AMOTL1: variants seen among roughly 807,000 people sequenced by gnomAD.
The protein encoded by AMOTL1 is angiomotin-like protein 1.
A neutral mutation model predicts 102.9 loss-of-function variants in AMOTL1; 45 were observed. The observed-to-expected ratio is 0.44, with a 90% confidence interval of 0.34 to 0.56. The LOEUF (loss-of-function observed/expected upper bound fraction) is 0.56, where lower values mean the gene tolerates loss of function less well. Ranked by LOEUF, AMOTL1 falls within the 20% of genes least tolerant of loss-of-function variation. The pLI is 0.01. For missense variants in AMOTL1, 1,114 were observed against 1,225.6 expected, an observed-to-expected ratio of 0.91 and a Z score of 1.36; for synonymous variants, 481 against 484.7, an observed-to-expected ratio of 0.99 and a Z score of 0.10.
intron 9 of AMOTL1, among the ~76,000 whole-genome samples, chr11:94,860,777 A>G (rs1438033204): frequency 1.3e-5 from 2 of 152,242 alleles, no homozygotes; most frequent in South Asian, 2.1e-4. Context: ...GGGCTATGGT[A>G]CTATTTGGAT....
Position 94,800,299 on chromosome 11 carries a change from A to G in AMOTL1, c.1109A>G (p.Tyr370Cys). ...CTGCGGTACCAGCCACCCCCTGAGT[A>G]TGGGGTAACGAGGTGATTATCAACT... is the stretch of plus-strand genomic sequence containing the variant. ...AVLRYQPPPE[Y>C]GVTSRPCQLP... Residue 370 changes from tyrosine (Y) to cysteine (C), a missense_variant, in exon 3 of 13, where the codon TAT (tyrosine) becomes TGT (cysteine). Transcript: ENST00000433060. 1 of 1,605,492 alleles carries G rather than the reference A, an allele frequency of 6.2e-7. No homozygotes were observed. The highest frequency in any genetic ancestry group is 1.3e-5 in the African/African-American group (1 of 74,800).
intron 3 of AMOTL1, among the ~76,000 whole-genome samples, chr11:94,751,391 C>T (rs1453621106): frequency 1.3e-5 from 2 of 151,970 alleles, no homozygotes; most frequent in African/African-American, 4.8e-5. Flanking sequence ...GTCCCTGGGA[C>T]ACGAAATCTC....
chr11:94,845,484 T>A (rs182738359), intron 6 of AMOTL1, among the ~76,000 whole-genome samples: 1 of 152,340 alleles, frequency 6.6e-6, no homozygotes, highest in Admixed American at 6.5e-5. Context: ...AGCTGGGACA[T>A]GGTAAGTCCC....
intron 1 of AMOTL1, among the ~76,000 whole-genome samples, chr11:94,782,878 TA>T (rs1429188952): frequency 6.6e-6 from 1 of 152,214 alleles, no homozygotes; most frequent in Non-Finnish European, 1.5e-5. Flanking sequence ...TGCAAAATTA[TA>T]AAAAAATTCT....
At chr11:94,748,829 G>A (rs565888718) in intron 3 of AMOTL1, among the ~76,000 whole-genome samples, 2 of 152,156 alleles carry the variant, frequency 1.3e-5, no homozygotes, top group African/African-American at 4.8e-5. Context: ...ATACAGGAGG[G>A]TGGTAAGAAA....
Position 94,717,682 on chromosome 11 carries a change from G to GA in AMOTL1, c.-51+11091dup, listed in dbSNP as rs1305981642. Among the ~76,000 whole-genome samples, 212 of 151,612 alleles carry GA rather than the reference G, an allele frequency of 1.4e-3. 2 individuals are homozygous for GA. Among genetic ancestry groups the GA allele is most frequent in the African/African-American group, 4.9e-3 (203 of 41,424 alleles). On this transcript the variant is annotated intron_variant, in intron 1 of 4. Coordinates refer to the AMOTL1 transcript ENST00000299004. ...GCTCCAAACTCAGATGCTATACAAA[G>GA]AAAAAACTGATACATTTAATTATCT...
intron 2 of AMOTL1, among the ~76,000 whole-genome samples, chr11:94,735,310 CAAA>C (rs1388367512): frequency 6.6e-6 from 1 of 152,170 alleles, no homozygotes. Context: ...ATTGTACCCC[CAAA>C]AAAGTATGTA....
At chr11:94,823,551 TTC>T (rs1387555824) in intron 4 of AMOTL1, among the ~76,000 whole-genome samples, 1 of 152,120 alleles carries the variant, frequency 6.6e-6, no homozygotes, top group Non-Finnish European at 1.5e-5. Context: ...GACCTCTTTC[TTC>T]TCTCCTAATG....
In AMOTL1 at chr11:94,853,967, A is replaced by G. The variant is rs866833462; in HGVS notation, c.1829A>G (p.Glu610Gly). 15 of 1,607,950 alleles carry G rather than the reference A, an allele frequency of 9.3e-6. No homozygotes were observed. In the African/African-American group the frequency reaches 1.9e-4, roughly 20 times the overall value. ...AAGCAAGCATATGTTGAGAAAGTTGAGAAGCTGCAGCAGGCCCTGACCCAG... is the reference window on the plus strand; with the variant it reads ...AAGCAAGCATATGTTGAGAAAGTTGGGAAGCTGCAGCAGGCCCTGACCCAG... ...REKQAYVEKV[E>G]KLQQALTQLQ... Residue 610 changes from glutamate to glycine, a missense_variant, in exon 8 of 13, where the codon GAG (glutamate) becomes GGG (glycine). Transcript: ENST00000433060.
intron 1 of AMOTL1, among the ~76,000 whole-genome samples, chr11:94,721,401 G>A (rs1021698137): frequency 1.3e-5 from 2 of 151,284 alleles, no homozygotes; most frequent in Non-Finnish European, 2.9e-5. Context: ...TTTAAATGTG[G>A]TGTTATGGAT....
At chr11:94,726,081 A>G (rs1440712929) in intron 1 of AMOTL1, among the ~76,000 whole-genome samples, 2 of 152,168 alleles carry the variant, frequency 1.3e-5, no homozygotes, top group African/African-American at 4.8e-5. Flanking sequence ...AGAATGAACA[A>G]AGCATAGTGA....
intron 1 of AMOTL1, among the ~76,000 whole-genome samples, chr11:94,718,744 GTTGA>G (rs137919874): frequency 0.25 from 37,278 of 151,502 alleles, 5,276 homozygotes; most frequent in Middle Eastern, 0.33. Flanking sequence ...CTGGCTTTCT[GTTGA>G]TTGTCAGTTT....
chr11:94,745,462 A>G (rs1416001689), intron 3 of AMOTL1, among the ~76,000 whole-genome samples: 1 of 152,180 alleles, frequency 6.6e-6, no homozygotes, highest in African/African-American at 2.4e-5. Context: ...AGATGCTCCT[A>G]TCACCTCTAT....
At chr11:94,838,088 C>T (rs1410999992) in intron 6 of AMOTL1, among the ~76,000 whole-genome samples, 1 of 152,194 alleles carries the variant, frequency 6.6e-6, no homozygotes, top group African/African-American at 2.4e-5. Flanking sequence ...CTTTTATATA[C>T]TCCCCCAGCA....
intron 1 of AMOTL1, among the ~76,000 whole-genome samples, chr11:94,791,497 A>G (rs1431269135): frequency 3.3e-5 from 5 of 152,250 alleles, no homozygotes; most frequent in Admixed American, 6.5e-5. Context: ...AGAGATATCT[A>G]AAAGTTACCT....
At chr11:94,711,619 T>G (rs1261651612) in intron 1 of AMOTL1, among the ~76,000 whole-genome samples, 1 of 152,158 alleles carries the variant, frequency 6.6e-6, no homozygotes, top group Non-Finnish European at 1.5e-5. Context: ...TCCCTAACCC[T>G]TTGAGACTAC....
Position 94,768,492 on chromosome 11 carries a change from G to A in AMOTL1, c.-20G>A, listed in dbSNP as rs1437618323. 1 of 1,590,938 alleles carries A rather than the reference G, an allele frequency of 6.3e-7. No homozygotes were observed. The highest frequency in any genetic ancestry group is 1.3e-5 in the African/African-American group (1 of 74,378). On this transcript the variant is annotated 5_prime_UTR_variant, in exon 1 of 13. The change abolishes the stop of an existing upstream ORF in the 5' untranslated region. Transcript: ENST00000433060. Reference sequence around the variant, plus strand: ...AGCCGTCTTCCCCAGCCGAGGGACTGAACTAGCCATGATCGCCTCATGTGG... The same window carrying A: ...AGCCGTCTTCCCCAGCCGAGGGACTAAACTAGCCATGATCGCCTCATGTGG...
intron 2 of AMOTL1, among the ~76,000 whole-genome samples, chr11:94,731,697 A>C (rs1950355236): frequency 6.6e-6 from 1 of 152,190 alleles, no homozygotes; most frequent in Non-Finnish European, 1.5e-5. Context: ...ATGAATGAAA[A>C]AATTGGCCTG....
chr11:94,869,703 A>C (rs1035404814), intron 12 of AMOTL1, among the ~76,000 whole-genome samples: 2 of 152,178 alleles, frequency 1.3e-5, no homozygotes, highest in Non-Finnish European at 1.5e-5. Flanking sequence ...GCTTGAGACT[A>C]CCCTGGCAAT....
Sources: gnomAD v4.1 joint callset for allele counts (sites outside exome capture counted in the v4.1 genomes callset) on GRCh38, gnomAD v4.1.1 for gene constraint, MANE v1.5 for transcripts, NCBI Gene and HGNC (gene_info 2026-07-23, HGNC 2026-07-21) for gene names.